Variants in WDR11 observed in about 807,000 individuals in gnomAD.
The protein encoded by WDR11 is WD repeat domain 11, also known as WD repeat-containing protein 11.
A neutral mutation model predicts 151.2 loss-of-function variants in WDR11; 83 were observed. That is an observed-to-expected ratio of 0.55 (90% CI 0.46 to 0.66). The LOEUF is 0.66. Ranked by LOEUF, WDR11 falls within the 30% of genes least tolerant of loss-of-function variation. The pLI, the probability that WDR11 is intolerant of heterozygous loss-of-function variation, is 0.00. For synonymous variants in WDR11, 484 were observed against 533.1 expected (o/e 0.91, Z 1.27); for missense variants, 1,301 against 1,480.9 (o/e 0.88, Z 1.99).
At position 120,852,664 on chromosome 10, in the gene WDR11, A is replaced by G. The variant is rs748672019; in HGVS notation, c.198+29A>G. On this transcript the variant is annotated intron_variant, in intron 2 of 28. Transcript: ENST00000263461. ...AGTAAAATCCCACTTTGACGCTAAC[A>G]TGTTGTCTAGTCTAAAGTTTAATAC... The G allele has an allele frequency of 8.9e-6, 14 of 1,577,312 alleles. No homozygotes were observed. The Admixed American group carries it at 1.5e-4, about 17-fold the overall frequency.
Position 120,908,772 on chromosome 10 carries a change from G to A in WDR11, c.*59G>A. The A allele has an allele frequency of 6.3e-7, 1 of 1,593,712 alleles. No individual in the cohort carries two copies. The highest frequency in any genetic ancestry group is 8.6e-7 in the Non-Finnish European group (1 of 1,163,386). On this transcript the variant is annotated 3_prime_UTR_variant, in exon 29 of 29. Transcript: ENST00000263461. ...AGGCAGATGGGAGGGGGCTGGTCTG[G>A]CTGTGGCCACCGTCACAGTCCAGGA...
At chr10:120,865,576 T>C in intron 6 of WDR11, 54 bp from the exon 7 acceptor site, 1 of 1,218,542 alleles carries the variant, frequency 8.2e-7, no homozygotes, top group Non-Finnish European at 1.2e-6. Context: ...TTTCACAGTA[T>C]ATACTTTATT....
intron 19 of WDR11, among the ~76,000 whole-genome samples, chr10:120,891,728 G>A (rs140227446): frequency 2.0e-5 from 3 of 152,312 alleles, no homozygotes; most frequent in South Asian, 2.1e-4. Context: ...TAAAAACCTG[G>A]TTTTTCACTT....
chr10:120,863,374 C>T (rs1247722766), intron 5 of WDR11, among the ~76,000 whole-genome samples: 1 of 152,138 alleles, frequency 6.6e-6, no homozygotes, highest in African/African-American at 2.4e-5. Flanking sequence ...GCCAAGGCTC[C>T]GGGGGAAGCT....
intron 12 of WDR11, chr10:120,879,549 C>CAGG (rs1846924859): frequency 6.6e-6 from 1 of 152,136 alleles, no homozygotes; most frequent in African/African-American, 2.4e-5. Flanking sequence ...AGCTCAAGTT[C>CAGG]AGGACTGTTA....
At chr10:120,860,431 C>A in intron 4 of WDR11, 149 bp downstream of exon 4, 1 of 895,926 alleles carries the variant, frequency 1.1e-6, no homozygotes, top group Non-Finnish European at 1.7e-6. Flanking sequence ...CATATATCTG[C>A]AGCTCCTAAT....
At chr10:120,885,691 G>A (rs1847192886) in intron 14 of WDR11, 123 bp from the exon 15 acceptor site, 1 of 1,255,190 alleles carries the variant, frequency 8.0e-7, no homozygotes, top group Admixed American at 1.8e-5. Flanking sequence ...AAGAACAAAT[G>A]TGGATTCATG....
chr10:120,900,570 T>C (rs1372875324), intron 20 of WDR11, among the ~76,000 whole-genome samples: 1 of 152,214 alleles, frequency 6.6e-6, no homozygotes, highest in Non-Finnish European at 1.5e-5. Context: ...TAGTGTTTAT[T>C]AATTAAATTC....
chr10:120,867,067 A>C lies in WDR11; in HGVS notation c.1192A>C (p.Ser398Arg), dbSNP rs1183500617. ...AVCNRNSRNS[S>R]SGVSPLYSPV... ...CTTCTAATTATTATGTCTTTGCAGT[A>C]GTTCTGGTGTGTCACCTTTATATTC... Residue 398 changes from serine (S) to arginine (R), a missense_variant and splice_region_variant, in exon 9 of 29, where the codon AGT (serine) becomes CGT (arginine). By Grantham distance (110) the Ser-to-Arg change is moderately radical. Transcript: ENST00000263461. 6.2e-7 allele frequency: 1 copy of C among 1,610,966 alleles called. No homozygotes were observed. The highest frequency in any genetic ancestry group is 8.5e-7 in the Non-Finnish European group (1 of 1,177,330).
At chr10:120,856,237 G>A (rs1845940817) in intron 2 of WDR11, 1 of 152,134 alleles carries the variant, frequency 6.6e-6, no homozygotes, top group African/African-American at 2.4e-5. Flanking sequence ...AAAGGATATA[G>A]AATTCTGGGT....
At chr10:120,906,053 C>G (rs760450777) in intron 27 of WDR11, 32 bp downstream of exon 27, 23 of 1,612,598 alleles carry the variant, frequency 1.4e-5, no homozygotes, top group Non-Finnish European at 1.9e-5. Flanking sequence ...GCTGCTCAGG[C>G]CTGCCCGTGA....
intron 2 of WDR11, chr10:120,856,083 T>TC (rs1590052424): frequency 2.0e-5 from 3 of 152,352 alleles, no homozygotes; most frequent in South Asian, 2.1e-4. Context: ...TTTATGTAGG[T>TC]CCAAGTTTCA....
rs758563690 is a variant in WDR11 at position 120,878,452 on chromosome 10, T to C, written c.1656T>C (p.Leu552=). ...LVRNELQLVD[L]PTGRSIAFRG... is the part of the protein sequence containing the mutation. ...GAAATGAACTTCAACTGGTTGATCT[T>C]CCAACAGGTTTGTTTTTAAAGATCC... The change falls in exon 12 of 29, where the codon CTT becomes CTC. Residue 552 remains leucine, a synonymous_variant. Transcript: ENST00000263461. The C allele has an allele frequency of 4.3e-6, 7 of 1,612,060 alleles. No homozygotes were observed. The East Asian group carries it at 1.3e-4, about 31-fold the overall frequency.
intron 9 of WDR11, among the ~76,000 whole-genome samples, chr10:120,869,171 C>T (rs941174844): frequency 8.1e-5 from 11 of 135,414 alleles, no homozygotes; most frequent in Non-Finnish European, 1.2e-4. Flanking sequence ...AATGCAGTGG[C>T]GCGATCTCGG....
intron 20 of WDR11, among the ~76,000 whole-genome samples, chr10:120,900,551 A>C (rs1284100797): frequency 6.6e-6 from 1 of 152,242 alleles, no homozygotes; most frequent in East Asian, 1.9e-4. Flanking sequence ...AAATATTCAC[A>C]GAAACTATTA....
Position 120,885,955 on chromosome 10 carries a change from C to G in WDR11, c.1973+17C>G. 1 of 1,612,622 alleles carries G rather than the reference C, an allele frequency of 6.2e-7. No individual in the cohort carries two copies. The highest frequency in any genetic ancestry group is 8.5e-7 in the Non-Finnish European group (1 of 1,179,334). ...TGTGATCAGGTACAGTACAGTGTTT[C>G]TTGACACTGTCATTTGTGCCATTAG... is the stretch of plus-strand genomic sequence containing the variant. On this transcript the variant is annotated intron_variant, in intron 15 of 28. Transcript: ENST00000263461.
intron 3 of WDR11, 132 bp downstream of exon 3, chr10:120,858,928 T>A: frequency 1.8e-6 from 2 of 1,120,990 alleles, no homozygotes; most frequent in Non-Finnish European, 2.6e-6. Context: ...GTGTTTTGCC[T>A]ATTCTGCTGA....
At chr10:120,903,990 A>T in intron 23 of WDR11, 57 bp from the exon 24 acceptor site, 1 of 1,209,674 alleles carries the variant, frequency 8.3e-7, no homozygotes, top group Non-Finnish European at 1.2e-6. Context: ...AGTAAAATTT[A>T]AATAATTCCA....
At chr10:120,884,606 C>CAA (rs34657107) in intron 14 of WDR11, among the ~76,000 whole-genome samples, 1 of 126,146 alleles carries the variant, frequency 7.9e-6, no homozygotes, top group African/African-American at 3.0e-5. Context: ...AACCAAAAGG[C>CAA]AAAAAAAAAA....
Sources: allele counts gnomAD v4.1 joint callset (sites outside exome capture counted in the v4.1 genomes callset), GRCh38; gene constraint gnomAD v4.1.1; transcripts MANE v1.5; gene names NCBI Gene and HGNC (gene_info 2026-07-23, HGNC 2026-07-21).